The following AUTS2 variants were observed in gnomAD, a reference collection of about 807,000 sequenced individuals.
AUTS2 encodes the protein activator of transcription and developmental regulator AUTS2.
In AUTS2, 17 loss-of-function variants were observed where a neutral mutation model predicts 112.4. The observed-to-expected ratio is 0.15, with a 90% CI of 0.10 to 0.23. AUTS2 has a LOEUF of 0.23. AUTS2 is among the 10% of genes least tolerant of loss of function. The probability of loss-of-function intolerance (pLI) is 1.00; values close to 1 mark genes in which losing one functional copy is unlikely to be tolerated. For missense variants in AUTS2, 1,510 were observed against 1,701.6 expected (o/e 0.89, Z 1.98); for synonymous variants, 751 against 702.7 (o/e 1.07, Z -1.09).
At chr7:70,463,213 T>C (rs1797039701) in intron 5 of AUTS2, among the ~76,000 whole-genome samples, 1 of 152,234 alleles carries the variant, frequency 6.6e-6, no homozygotes, top group South Asian at 2.1e-4. Context: ...AGGTACAGTG[T>C]TCCTGTTCAC....
intron 5 of AUTS2, among the ~76,000 whole-genome samples, chr7:70,679,837 C>A (rs149232684): frequency 1.3e-5 from 2 of 152,196 alleles, no homozygotes; most frequent in African/African-American, 4.8e-5. Context: ...GTATTTTGTT[C>A]TTTCGTTCTG....
At chr7:70,710,770 A>G (rs1459451030) in intron 6 of AUTS2, among the ~76,000 whole-genome samples, 1 of 152,254 alleles carries the variant, frequency 6.6e-6, no homozygotes, top group East Asian at 1.9e-4. Flanking sequence ...GAACTGGAGA[A>G]AGGAGGAACG....
At chr7:69,864,120 T>C (rs1241269124) in intron 1 of AUTS2, among the ~76,000 whole-genome samples, 1 of 152,190 alleles carries the variant, frequency 6.6e-6, no homozygotes, top group African/African-American at 2.4e-5. Flanking sequence ...AAAACCAAGA[T>C]TTAGAGCATG....
chr7:70,388,370 T>G (rs561322024), intron 4 of AUTS2, among the ~76,000 whole-genome samples: 1 of 152,330 alleles, frequency 6.6e-6, no homozygotes, highest in Admixed American at 6.5e-5. Context: ...TAAAGTATCT[T>G]AAATATAGTA....
intron 1 of AUTS2, among the ~76,000 whole-genome samples, chr7:69,636,093 A>G (rs1004623121): frequency 4.6e-5 from 7 of 152,202 alleles, no homozygotes; most frequent in African/African-American, 1.4e-4. Flanking sequence ...TATTCCTTCT[A>G]CCAAGTCTGG....
intron 4 of AUTS2, among the ~76,000 whole-genome samples, chr7:70,409,374 A>C (rs73442750): frequency 0.015 from 2,214 of 152,284 alleles, 72 homozygotes; most frequent in African/African-American, 0.051. Flanking sequence ...TATGTATAAT[A>C]ACTCATAGCA....
chr7:70,631,043 C>T lies in AUTS2; in HGVS notation c.691-67526C>T, dbSNP rs977333808. Among the ~76,000 whole-genome samples, 18 of 152,058 alleles carry T rather than the reference C, an allele frequency of 1.2e-4. No homozygotes were observed. Among genetic ancestry groups the T allele is most frequent in the East Asian group, 3.9e-4 (2 of 5,180 alleles). On this transcript the variant is annotated intron_variant, in intron 5 of 18. Transcript: ENST00000342771. The surrounding 1 kb of genome is among the most constrained non-coding windows in gnomAD (Gnocchi z 4.5). ...CCCGGCTGGTGTCCCACAGGCTCGGCGCAGTAAGTTCAGATTATTGCTCAG... is the reference window on the plus strand; with the variant it reads ...CCCGGCTGGTGTCCCACAGGCTCGGTGCAGTAAGTTCAGATTATTGCTCAG...
intron 4 of AUTS2, among the ~76,000 whole-genome samples, chr7:70,295,268 C>G (rs746689820): frequency 1.3e-5 from 2 of 152,168 alleles, no homozygotes; most frequent in Non-Finnish European, 2.9e-5. Flanking sequence ...CTAGTGGCCT[C>G]CAAGAGTTGA....
At chr7:69,802,254 GAA>G (rs1790118300) in intron 1 of AUTS2, among the ~76,000 whole-genome samples, 2 of 152,142 alleles carry the variant, frequency 1.3e-5, no homozygotes, top group Non-Finnish European at 2.9e-5. Context: ...AGGCCCTAAG[GAA>G]AAAGCCTGTC....
intron 2 of AUTS2, among the ~76,000 whole-genome samples, chr7:70,032,980 C>T (rs1800848243): frequency 6.6e-6 from 1 of 151,704 alleles, no homozygotes; most frequent in Non-Finnish European, 1.5e-5. Flanking sequence ...CCAGAATAGG[C>T]AAATCTGTAG....
At chr7:69,961,788 T>G (rs955415759) in intron 2 of AUTS2, among the ~76,000 whole-genome samples, 3 of 152,176 alleles carry the variant, frequency 2.0e-5, no homozygotes, top group Non-Finnish European at 2.9e-5. Flanking sequence ...AAAAGAAGAT[T>G]ATTGGTTTTA....
At position 70,518,003 on chromosome 7, in the gene AUTS2, G is replaced by A. The variant is rs143412193; in HGVS notation, c.690+82222G>A. On this transcript the variant is annotated intron_variant, in intron 5 of 18. Transcript: ENST00000342771. ...TTGGCAAATGAAAATATAGCCATTTGGGCAGATACTTACTCATGAAATGCT... is the reference window on the plus strand; with the variant it reads ...TTGGCAAATGAAAATATAGCCATTTAGGCAGATACTTACTCATGAAATGCT... Among the ~76,000 whole-genome samples, 8 of 152,250 alleles carry A rather than the reference G, an allele frequency of 5.3e-5. No individual in the cohort carries two copies. The East Asian group carries it at 1.4e-3, about 26-fold the overall frequency.
intron 2 of AUTS2, among the ~76,000 whole-genome samples, chr7:70,016,901 C>G: frequency 6.6e-6 from 1 of 152,276 alleles, no homozygotes; most frequent in East Asian, 1.9e-4. Flanking sequence ...CTCCTGACCT[C>G]AAGTGATCCA....
In AUTS2 at chr7:70,356,611, C is replaced by T. The variant is rs534170399; in HGVS notation, c.661-79141C>T. Among the ~76,000 whole-genome samples, 8 of 152,190 alleles carry T rather than the reference C, an allele frequency of 5.3e-5. No homozygotes were observed. The East Asian group carries it at 1.4e-3, about 26-fold the overall frequency. ...GTTACTTACTGTATTACAACCCAGG[C>T]GGTTAAATGTGGTATTATTGCAAAT... On this transcript the variant is annotated intron_variant, in intron 4 of 18. Transcript: ENST00000342771.
intron 4 of AUTS2, among the ~76,000 whole-genome samples, chr7:70,186,404 C>T (rs995463141): frequency 3.3e-5 from 5 of 151,236 alleles, no homozygotes; most frequent in Non-Finnish European, 5.9e-5. Context: ...CACGTTAGAG[C>T]GTTTGTGTGT....
intron 1 of AUTS2, among the ~76,000 whole-genome samples, chr7:69,611,401 C>A (rs1793025357): frequency 6.6e-6 from 1 of 152,170 alleles, no homozygotes. Context: ...ATGTTGAGAC[C>A]TGCTGTGTTA....
intron 5 of AUTS2, among the ~76,000 whole-genome samples, chr7:70,445,792 G>A (rs1371679706): frequency 6.6e-6 from 1 of 152,166 alleles, no homozygotes; most frequent in Non-Finnish European, 1.5e-5. Flanking sequence ...TAGACTCCCT[G>A]AAAGCATCCC....
At chr7:69,671,483 GCTGGTGTGTGTGTGT>G (rs1370197089) in intron 1 of AUTS2, among the ~76,000 whole-genome samples, 5 of 135,854 alleles carry the variant, frequency 3.7e-5, no homozygotes, top group Admixed American at 7.7e-5. Flanking sequence ...TGCTGCTGCT[GCTGGTGTGTGTGTGT>G]GTGTGTGTGT....
At chr7:70,351,276 A>G (rs549221520) in intron 4 of AUTS2, among the ~76,000 whole-genome samples, 3 of 150,654 alleles carry the variant, frequency 2.0e-5, no homozygotes, top group South Asian at 4.2e-4. Context: ...CTGGTCTCGA[A>G]CTCCTGACCT....
Sources: gnomAD v4.1 joint callset for allele counts (sites outside exome capture counted in the v4.1 genomes callset) on GRCh38, gnomAD v4.1.1 for gene constraint, Gnocchi (gnomAD v3.1) non-coding constraint, MANE v1.5 for transcripts, NCBI Gene and HGNC (gene_info 2026-07-23, HGNC 2026-07-21) for gene names.